The following SHPK variants were observed in gnomAD, a reference collection of about 807,000 sequenced individuals.
The protein encoded by SHPK is carbohydrate kinase-like protein.
SHPK carries 51 observed loss-of-function variants against 46.3 expected under a neutral mutation model. The ratio of observed to expected loss-of-function variants is 1.10; its 90% CI spans 0.88 to 1.39. SHPK has a LOEUF of 1.39. Among genes scored for constraint, SHPK ranks in the 40% most tolerant of loss-of-function variants. The probability of loss-of-function intolerance (pLI) is 0.00; values close to 1 mark genes in which losing one functional copy is unlikely to be tolerated. For synonymous variants in SHPK, 290 were observed against 273.9 expected, an observed-to-expected ratio of 1.06 and a Z score of -0.58; for missense variants, 668 against 641.3, an observed-to-expected ratio of 1.04 and a Z score of -0.45.
intron 6 of SHPK, among the ~76,000 whole-genome samples, chr17:3,613,464 G>A (rs1355411849): frequency 1.3e-5 from 2 of 152,102 alleles, no homozygotes; most frequent in East Asian, 3.9e-4. Flanking sequence ...TGCATCTCGG[G>A]TTCAAGTGAC....
At chr17:3,617,615 A>G (rs1047553244) in intron 5 of SHPK, among the ~76,000 whole-genome samples, 2 of 152,200 alleles carry the variant, frequency 1.3e-5, no homozygotes, top group African/African-American at 4.8e-5. Flanking sequence ...AATCTTACCA[A>G]AAATAATTTA....
chr17:3,621,296 A>C lies in SHPK; in HGVS notation c.764T>G (p.Val255Gly), dbSNP rs774906811. The change falls in exon 5 of 7, where the codon GTG becomes GGG. Residue 255 changes from valine to glycine, a missense_variant. Physicochemically the swap from Val to Gly is moderately radical, Grantham distance 109. Transcript: ENST00000225519. ...AGAGGCCTGTAAATCACCCAAGGCC[A>C]CTCCCACCTGCGTCCCCTTTGGGAT... ...FEIPKGTQVG[V>G]ALGDLQASVY... 6 of 1,613,914 alleles carry C rather than the reference A, an allele frequency of 3.7e-6. No homozygotes were observed. The highest frequency in any genetic ancestry group is 5.1e-6 in the Non-Finnish European group (6 of 1,179,978).
Position 3,621,376 on chromosome 17 carries a change from T to C in SHPK, c.684A>G (p.Pro228=). 1.2e-6 allele frequency: 2 copies of C among 1,614,094 alleles called. No homozygotes were observed. The highest frequency in any genetic ancestry group is 1.3e-5 in the African/African-American group (1 of 75,032). The change falls in exon 5 of 7, where the codon CCA becomes CCG. Residue 228 remains proline, a synonymous_variant. Coordinates refer to ENST00000225519, the MANE Select transcript of SHPK (RefSeq NM_013276.4). ...CCACACTGCCAGGCTCGGCGATGTC[T>C]GGGAGCAGGTGGACAGGAAAACCCG... ...RSSGFPVHLL[P]DIAEPGSVAG...
At chr17:3,631,733 G>C (rs1305099768) in intron 1 of SHPK, among the ~76,000 whole-genome samples, 4 of 151,494 alleles carry the variant, frequency 2.6e-5, no homozygotes, top group African/African-American at 9.7e-5. Flanking sequence ...ACGTTGGCCA[G>C]GCTGGTCTCA....
At chr17:3,612,499 T>C (rs976664305) in intron 6 of SHPK, among the ~76,000 whole-genome samples, 16 of 151,732 alleles carry the variant, frequency 1.1e-4, no homozygotes, top group Non-Finnish European at 2.2e-4. Flanking sequence ...TAACCTCGCA[T>C]GACCTGAGGG....
In SHPK at chr17:3,631,512, C is replaced by CTTTTTTTTTTTTTTTTTTTTTTTTTTT. The variant is rs371958939; in HGVS notation, c.169-1193_169-1167dup. On this transcript the variant is annotated intron_variant, in intron 1 of 6. Coordinates refer to ENST00000225519, the MANE Select transcript of SHPK (RefSeq NM_013276.4). ...AAAATATACACTATCTAATTTAATG[C>CTTTTTTTTTTTTTTTTTTTTTTTTTTT]TTTTTTTTTTTTTTTTTTTTTTTTT... Among the ~76,000 whole-genome samples the CTTTTTTTTTTTTTTTTTTTTTTTTTTT allele has an allele frequency of 7.5e-5, 4 of 53,036 alleles. 1 individual carries two copies. The highest frequency in any genetic ancestry group is 3.5e-4 in the African/African-American group (4 of 11,278). The allele number at this position is 53,036 out of a possible 152,430, so 34.8% of individuals were successfully genotyped here. A position where few individuals can be genotyped will look rare whatever the true frequency, so the allele number is the denominator to read the frequency against.
chr17:3,623,207 A>G (rs2075413040), intron 4 of SHPK, 132 bp downstream of exon 4: 1 of 985,974 alleles, frequency 1.0e-6, no homozygotes, highest in African/African-American at 1.6e-5. Flanking sequence ...GGCCAGGGGC[A>G]CTGGACCCTG....
chr17:3,621,500 C>G (rs1567683795), intron 4 of SHPK, 88 bp from the exon 5 acceptor site: 7 of 1,222,188 alleles, frequency 5.7e-6, no homozygotes, highest in Non-Finnish European at 8.1e-6. Flanking sequence ...CCTTCCTTCT[C>G]TCCATTCCTC....
At chr17:3,634,298 G>A (rs921971938) in intron 1 of SHPK, among the ~76,000 whole-genome samples, 5 of 151,402 alleles carry the variant, frequency 3.3e-5, no homozygotes, top group Non-Finnish European at 5.9e-5. Context: ...TGCTGGGTGC[G>A]GTGGCTCACA....
At position 3,619,489 on chromosome 17, in the gene SHPK, C is replaced by T. The variant is rs971428793; in HGVS notation, c.823+1748G>A. On this transcript the variant is annotated intron_variant, in intron 5 of 6. Coordinates refer to ENST00000225519, the MANE Select transcript of SHPK (RefSeq NM_013276.4). ...ATGGCTCACACCTGTAATCCCAGCA[C>T]TTTGGGAGGCCAAGGCAGGCAGATC... 1.2e-5 allele frequency: 10 copies of T among 861,132 alleles called. No homozygotes were observed. In the African/African-American group the frequency reaches 1.7e-4, roughly 15 times the overall value. The allele number at this position is 861,132 out of a possible 1,614,324, so 53.3% of individuals were successfully genotyped here.
intron 2 of SHPK, among the ~76,000 whole-genome samples, chr17:3,628,281 T>C (rs1167048099): frequency 6.6e-6 from 1 of 152,130 alleles, no homozygotes; most frequent in Non-Finnish European, 1.5e-5. Context: ...TTCACAGTAC[T>C]GTTCTCCCTA....
intron 2 of SHPK, among the ~76,000 whole-genome samples, chr17:3,625,293 T>C (rs558441841): frequency 6.6e-6 from 1 of 152,222 alleles, no homozygotes; most frequent in East Asian, 1.9e-4. Flanking sequence ...CCTCTTTCCT[T>C]GAATATAGAA....
chr17:3,614,146 C>A (rs549634436), intron 6 of SHPK, among the ~76,000 whole-genome samples: 1 of 152,208 alleles, frequency 6.6e-6, no homozygotes. Context: ...AAGGGACTTG[C>A]CAAGGCCAAA....
Position 3,623,440 on chromosome 17 carries a change from C to A in SHPK, c.546G>T (p.Val182=), listed in dbSNP as rs2075414492. The change falls in exon 4 of 7, where the codon GTG becomes GTT. Residue 182 remains valine, a synonymous_variant. Coordinates refer to ENST00000225519, the MANE Select transcript of SHPK (RefSeq NM_013276.4). The stretch of plus-strand genomic sequence containing the variant: ...TTGGCAAGCCACACAGCATGGCAAC[C>A]ACATAGTCGTGGATGGTACCGGCTG... The part of the protein sequence containing the change: ...YDAAGTIHDY[V]VAMLCGLPRP... 6.2e-6 allele frequency: 10 copies of A among 1,614,036 alleles called. No homozygotes were observed. In the South Asian group the frequency reaches 1.1e-4, roughly 18 times the overall value.
intron 1 of SHPK, 74 bp downstream of exon 1, chr17:3,635,978 G>T: frequency 7.2e-7 from 1 of 1,398,570 alleles, no homozygotes; most frequent in Non-Finnish European, 9.4e-7. Context: ...AGGGCTGTCA[G>T]GGAGGCCTCC....
At chr17:3,614,219 C>A (rs1455738544) in intron 6 of SHPK, among the ~76,000 whole-genome samples, 1 of 152,194 alleles carries the variant, frequency 6.6e-6, no homozygotes, top group Non-Finnish European at 1.5e-5. Context: ...CCGCACCGTG[C>A]TTCTTTAAGA....
At chr17:3,615,573 G>A in intron 5 of SHPK, 36 bp from the exon 6 acceptor site, 7 of 1,593,302 alleles carry the variant, frequency 4.4e-6, no homozygotes, top group Non-Finnish European at 6.0e-6. Flanking sequence ...AGGCCTGTCG[G>A]GCTAACTCAG....
At chr17:3,629,506 T>A (rs1222247778) in intron 2 of SHPK, among the ~76,000 whole-genome samples, 1 of 151,984 alleles carries the variant, frequency 6.6e-6, no homozygotes, top group Non-Finnish European at 1.5e-5. Context: ...TGCCGGTGGA[T>A]CATTTGAGGT....
chr17:3,611,091 G>A, intron 6 of SHPK, 119 bp from the exon 7 acceptor site: 1 of 974,950 alleles, frequency 1.0e-6, no homozygotes, highest in Non-Finnish European at 1.5e-6. Context: ...TCCCGCTGCA[G>A]CTGGTGGTTC....
Sources: allele counts gnomAD v4.1 joint callset (sites outside exome capture counted in the v4.1 genomes callset), GRCh38; gene constraint gnomAD v4.1.1; transcripts MANE v1.5; gene names NCBI Gene and HGNC (gene_info 2026-07-23, HGNC 2026-07-21).